PROZ: variants seen among roughly 807,000 people sequenced by gnomAD.
The protein encoded by PROZ is protein Z, vitamin K dependent plasma glycoprotein, also known as vitamin K-dependent protein Z.
PROZ carries 46 observed loss-of-function variants against 34.9 expected under a neutral mutation model. The ratio of observed to expected loss-of-function variants is 1.32; its 90% CI spans 1.04 to 1.69. The LOEUF (loss-of-function observed/expected upper bound fraction) is 1.69, where lower values mean the gene tolerates loss of function less well. Among genes scored for constraint, PROZ ranks in the 40% most tolerant of loss-of-function variants. The pLI is 0.00. For synonymous variants in PROZ, 195 were observed against 208.5 expected (o/e 0.94, Z 0.56); for missense variants, 530 against 520.4 (o/e 1.02, Z -0.18).
Position 113,172,029 on chromosome 13 carries a change from T to C in PROZ, c.1127T>C (p.Val376Ala). ...ACGGGGGTCCTGGGCTCGCAGCCAG[T>C]AGGAGGGCAGGCTCACATGGTCCTT... ...FLTGVLGSQP[V>A]GGQAHMVLVT... Residue 376 changes from valine to alanine, a missense_variant, in exon 8 of 8, where the codon GTA (valine) becomes GCA (alanine). Val to Ala is a moderately conservative substitution (Grantham distance 64, BLOSUM62 0). Coordinates refer to ENST00000375547, the MANE Select transcript of PROZ (RefSeq NM_003891.3). 2 of 1,612,994 alleles carry C rather than the reference T, an allele frequency of 1.2e-6. No homozygotes were observed. The highest frequency in any genetic ancestry group is 2.2e-5 in the East Asian group (1 of 44,872).
intron 4 of PROZ, 46 bp from the exon 5 acceptor site, chr13:113,164,467 T>C: frequency 6.2e-7 from 1 of 1,603,644 alleles, no homozygotes; most frequent in Non-Finnish European, 8.5e-7. Flanking sequence ...TGTGATAAAA[T>C]GACTATTTCC....
chr13:113,162,960 G>T, intron 3 of PROZ, 49 bp from the exon 4 acceptor site: 1 of 1,006,674 alleles, frequency 9.9e-7, no homozygotes, highest in Non-Finnish European at 1.4e-6. Flanking sequence ...CTCCTGCTCA[G>T]GTCCCCGTTC....
intron 6 of PROZ, among the ~76,000 whole-genome samples, chr13:113,169,488 T>C (rs562371114): frequency 8.2e-4 from 125 of 152,324 alleles, no homozygotes; most frequent in African/African-American, 3.0e-3. Context: ...TTTCCAGACA[T>C]GTGAATTTTA....
Position 113,172,365 on chromosome 13 carries a change from A to T in PROZ, c.*260A>T. 2.0e-6 allele frequency: 1 copy of T among 505,694 alleles called. No homozygotes were observed. Among genetic ancestry groups the T allele is most frequent in the East Asian group, 3.7e-5 (1 of 26,720 alleles). 31.3% of individuals were successfully genotyped at this position (505,694 alleles called of 1,614,324 possible). A position where few individuals can be genotyped will look rare whatever the true frequency, so the allele number is the denominator to read the frequency against. On this transcript the variant is annotated 3_prime_UTR_variant, in exon 8 of 8. Transcript: ENST00000375547. Reference sequence around the variant, plus strand: ...GAGATACGTTAAATAATAAAATAAGATAATCTGTCAGTCATAAAGCAGCCT... The same window carrying T: ...GAGATACGTTAAATAATAAAATAAGTTAATCTGTCAGTCATAAAGCAGCCT...
chr13:113,163,257 C>T, intron 4 of PROZ, 135 bp downstream of exon 4: 2 of 760,422 alleles, frequency 2.6e-6, no homozygotes, highest in East Asian at 2.7e-5. Context: ...TTTGGCTCAC[C>T]CCAGGGGATT....
chr13:113,159,094 G>GGCA lies in PROZ; in HGVS notation c.70+366_70+368dup, dbSNP rs923690352. 20 of 924,232 alleles carry GGCA rather than the reference G, an allele frequency of 2.2e-5. No individual in the cohort carries two copies. The African/African-American group carries it at 2.8e-4, about 13-fold the overall frequency. The allele number at this position is 924,232 out of a possible 1,614,324, so 57.3% of individuals were successfully genotyped here. On this transcript the variant is annotated intron_variant, in intron 1 of 7. Transcript: ENST00000375547. The surrounding 1 kb of genome is among the most constrained non-coding windows in gnomAD (Gnocchi z 4.6). ...CAGGCTGAGCCCAGACTGCAATGTGGGCAGAGAGAGCCTTGGCCAGGCCAG... is the reference window on the plus strand; with the variant it reads ...CAGGCTGAGCCCAGACTGCAATGTGGGCAGCAGAGAGAGCCTTGGCCAGGCCAG...
In PROZ at chr13:113,172,224, C is replaced by T. The variant is rs1248605920; in HGVS notation, c.*119C>T. On this transcript the variant is annotated 3_prime_UTR_variant, in exon 8 of 8. Coordinates refer to ENST00000375547, the MANE Select transcript of PROZ (RefSeq NM_003891.3). The stretch of plus-strand genomic sequence containing the variant: ...ACTGAGAGGCCGTCACAGCCCCAGA[C>T]CACCCGCTTGGCCCACGCAGCAGCA... 1.8e-5 allele frequency: 25 copies of T among 1,412,554 alleles called. No individual in the cohort carries two copies. Among genetic ancestry groups the T allele is most frequent in the Non-Finnish European group, 2.4e-5 (25 of 1,033,196 alleles). 87.5% of individuals were successfully genotyped at this position (1,412,554 alleles called of 1,614,324 possible). A position where few individuals can be genotyped will look rare whatever the true frequency, so the allele number is the denominator to read the frequency against.
intron 3 of PROZ, among the ~76,000 whole-genome samples, chr13:113,161,437 AAC>A (rs2036757695): frequency 6.6e-6 from 1 of 152,136 alleles, no homozygotes; most frequent in Non-Finnish European, 1.5e-5. Flanking sequence ...GGACAGAAGT[AAC>A]ACAGATGGAG....
chr13:113,165,899 G>GTTAC (rs1387633200), intron 6 of PROZ, among the ~76,000 whole-genome samples: 1 of 152,208 alleles, frequency 6.6e-6, no homozygotes, highest in Non-Finnish European at 1.5e-5. Flanking sequence ...AGCACAAGTA[G>GTTAC]TCAGCTATTT....
At position 113,159,344 on chromosome 13, in the gene PROZ, C is replaced by G; in HGVS notation, c.70+614C>G. On this transcript the variant is annotated intron_variant, in intron 1 of 7. Coordinates refer to ENST00000375547, the MANE Select transcript of PROZ (RefSeq NM_003891.3). This position sits in a 1 kb window ranked among gnomAD's most constrained non-coding sequence, Gnocchi z 4.6. ...TGGTCTCCCACCCTGAGAGGGTGAT[C>G]CCCCCGCCCTGCCCTGCCCAGCACT... 1 of 1,387,012 alleles carries G rather than the reference C, an allele frequency of 7.2e-7. No individual in the cohort carries two copies. The allele number at this position is 1,387,012 out of a possible 1,614,324, so 85.9% of individuals were successfully genotyped here. A position where few individuals can be genotyped will look rare whatever the true frequency, so the allele number is the denominator to read the frequency against.
intron 4 of PROZ, among the ~76,000 whole-genome samples, chr13:113,163,379 T>TCC (rs879567218): frequency 0.011 from 1,627 of 148,900 alleles, 34 homozygotes; most frequent in African/African-American, 0.038. Context: ...GCCCCTCTCC[T>TCC]CCCCCCACCA....
chr13:113,161,001 G>A, intron 3 of PROZ, 29 bp downstream of exon 3: 6 of 1,595,964 alleles, frequency 3.8e-6, no homozygotes, highest in Non-Finnish European at 5.2e-6. Context: ...CTCCTCAGAA[G>A]TATTAATTCC....
Position 113,159,053 on chromosome 13 carries a change from A to AG in PROZ, c.70+327dup. 2 of 235,820 alleles carry AG rather than the reference A, an allele frequency of 8.5e-6. No homozygotes were observed. Among genetic ancestry groups the AG allele is most frequent in the Non-Finnish European group, 7.1e-6 (1 of 140,672 alleles). The allele number at this position is 235,820 out of a possible 1,614,324, so 14.6% of individuals were successfully genotyped here. On this transcript the variant is annotated intron_variant, in intron 1 of 7. Coordinates refer to ENST00000375547, the MANE Select transcript of PROZ (RefSeq NM_003891.3). The surrounding 1 kb of genome is among the most constrained non-coding windows in gnomAD (Gnocchi z 4.6). ...GGAGGCCTGGGTTGGGCATTGGACG[A>AG]GGGGAGGGGGTGGGGCAGGCTGAGC...
At chr13:113,170,934 T>C (rs1595129055) in intron 7 of PROZ, among the ~76,000 whole-genome samples, 2 of 151,964 alleles carry the variant, frequency 1.3e-5, no homozygotes, top group Admixed American at 6.6e-5. Flanking sequence ...CTTTCTTTTT[T>C]TTTTTTGAGA....
chr13:113,163,021 G>A lies in PROZ; in HGVS notation c.272G>A (p.Cys91Tyr). 1 of 1,546,932 alleles carries A rather than the reference G, an allele frequency of 6.5e-7. No individual in the cohort carries two copies. The highest frequency in any genetic ancestry group is 2.4e-5 in the East Asian group (1 of 41,264). Reference protein sequence around the residue: ...FWRRYKGGSPCISQPCLHNGS... With the variant: ...FWRRYKGGSPYISQPCLHNGS... Reference sequence around the variant, plus strand: ...CCTCCTCCTGCAGGCGGCTCCCCGTGCATCTCCCAGCCCTGCCTCCACAAC... The same window carrying A: ...CCTCCTCCTGCAGGCGGCTCCCCGTACATCTCCCAGCCCTGCCTCCACAAC... Residue 91 changes from cysteine (C) to tyrosine (Y), a missense_variant, in exon 4 of 8, where the codon TGC (cysteine) becomes TAC (tyrosine). By Grantham distance (194) the Cys-to-Tyr change is radical. Transcript: ENST00000375547.
chr13:113,164,766 G>T, intron 5 of PROZ, 122 bp downstream of exon 5: 1 of 1,465,888 alleles, frequency 6.8e-7, no homozygotes, highest in Non-Finnish European at 9.3e-7. Flanking sequence ...CCACGACTCA[G>T]AAGGTGGTCC....
intron 6 of PROZ, among the ~76,000 whole-genome samples, chr13:113,166,736 G>C (rs1414094312): frequency 6.6e-6 from 1 of 152,212 alleles, no homozygotes; most frequent in Non-Finnish European, 1.5e-5. Context: ...TCCTATCGCT[G>C]TCTGCCCCAT....
At chr13:113,164,941 A>G (rs1182984329) in intron 5 of PROZ, 112 bp from the exon 6 acceptor site, 3 of 1,119,158 alleles carry the variant, frequency 2.7e-6, no homozygotes, top group South Asian at 1.3e-5. Flanking sequence ...GGATAAGATT[A>G]TAATGGTTAG....
In PROZ at chr13:113,171,766, T is replaced by A. The variant is rs1418035706; in HGVS notation, c.864T>A (p.Ala288=). ...LPVCTPEKDF[A]EHLLIPRTRG... The stretch of plus-strand genomic sequence containing the variant: ...TGTGCACCCCTGAGAAAGACTTCGC[T>A]GAGCACCTCCTCATCCCACGCACCA... The change falls in exon 8 of 8, where the codon GCT becomes GCA. Residue 288 remains alanine, a synonymous_variant. Coordinates refer to ENST00000375547, the MANE Select transcript of PROZ (RefSeq NM_003891.3). The surrounding 1 kb of genome is among the most constrained non-coding windows in gnomAD (Gnocchi z 5.1). 2.5e-6 allele frequency: 4 copies of A among 1,612,234 alleles called. No homozygotes were observed. The East Asian group carries it at 8.9e-5, about 36-fold the overall frequency.
Sources: gnomAD v4.1 joint callset for allele counts (sites outside exome capture counted in the v4.1 genomes callset) on GRCh38, gnomAD v4.1.1 for gene constraint, Gnocchi (gnomAD v3.1) non-coding constraint, MANE v1.5 for transcripts, NCBI Gene and HGNC (gene_info 2026-07-23, HGNC 2026-07-21) for gene names.